The following SASH1 variants were observed in gnomAD, a reference collection of about 807,000 sequenced individuals.
SASH1 encodes the protein SAM and SH3 domain containing 1, also known as SAM and SH3 domain-containing protein 1.
SASH1 carries 44 observed loss-of-function variants against 125.2 expected under a neutral mutation model. The observed-to-expected ratio is 0.35, with a 90% CI of 0.28 to 0.45. The LOEUF is 0.45. Among genes scored for constraint, SASH1 ranks in the 20% least tolerant of loss-of-function variants. The probability of loss-of-function intolerance (pLI) is 1.00; values close to 1 mark genes in which losing one functional copy is unlikely to be tolerated. For missense variants in SASH1, 1,426 were observed against 1,614.5 expected (o/e 0.88, Z 2.00); for synonymous variants, 639 against 649.1 (o/e 0.98, Z 0.24).
the SASH1 span, among the ~76,000 whole-genome samples, chr6:148,197,507 A>T: frequency 2.0e-4 from 31 of 152,298 alleles, no homozygotes; most frequent in South Asian, 6.4e-3. Flanking sequence ...TCCAGGTATC[A>T]GTCCCCATCC....
Position 148,390,168 on chromosome 6 carries a change from A to T in SASH1, c.191A>T (p.Gln64Leu), listed in dbSNP as rs769921263. The change falls in exon 2 of 20, where the codon CAG (glutamine) becomes CTG (leucine). Residue 64 changes from glutamine to leucine, a missense_variant. By Grantham distance (113) the Gln-to-Leu change is moderately radical (BLOSUM62 -2). Around this residue, in one of 3 missense-constraint regions of SASH1, gnomAD observed 567 missense variants for 575.6 expected, o/e 0.99. Transcript: ENST00000367467. The stretch of plus-strand genomic sequence containing the variant: ...CTGGGAAACATCGATGACCTGGCGC[A>T]GCAGTATGCAGATTATTACAACACC... ...GSLGNIDDLA[Q>L]QYADYYNTCF... The T allele has an allele frequency of 2.5e-6, 4 of 1,613,724 alleles. No homozygotes were observed. The highest frequency in any genetic ancestry group is 1.7e-6 in the Non-Finnish European group (2 of 1,179,838).
intron 1 of SASH1, among the ~76,000 whole-genome samples, chr6:148,323,102 C>T (rs539140574): frequency 7.9e-5 from 12 of 151,960 alleles, no homozygotes; most frequent in East Asian, 3.9e-4. Context: ...CTCTGCCTCC[C>T]GGGTTTAAGT....
chr6:148,513,800 A>G, intron 8 of SASH1: 1 of 986,236 alleles, frequency 1.0e-6, no homozygotes, highest in Non-Finnish European at 1.2e-6. Context: ...GTCTTAGCCA[A>G]TGGGATGGAA....
chr6:148,369,465 C>A (rs1265057455), intron 1 of SASH1, among the ~76,000 whole-genome samples: 1 of 152,084 alleles, frequency 6.6e-6, no homozygotes, highest in African/African-American at 2.4e-5. Context: ...TAAGAGTAAT[C>A]GTTATGGAGT....
chr6:148,412,929 C>G (rs1331263957), intron 2 of SASH1, among the ~76,000 whole-genome samples: 1 of 152,128 alleles, frequency 6.6e-6, no homozygotes, highest in Non-Finnish European at 1.5e-5. Context: ...CAGAATATTG[C>G]TGAAGTTTTA....
chr6:148,360,465 A>G (rs1782146253), intron 1 of SASH1, among the ~76,000 whole-genome samples: 1 of 150,460 alleles, frequency 6.6e-6, no homozygotes, highest in Admixed American at 6.7e-5. Context: ...CTCTCGCCTC[A>G]GTCTCCTGAA....
chr6:148,325,200 C>T (rs187722148), intron 1 of SASH1, among the ~76,000 whole-genome samples: 29 of 152,160 alleles, frequency 1.9e-4, no homozygotes, highest in African/African-American at 5.1e-4. Context: ...GAAGGAAACA[C>T]GTCGTTGTTC....
the SASH1 span, among the ~76,000 whole-genome samples, chr6:148,216,726 TTTTTTC>T: frequency 2.6e-5 from 4 of 152,046 alleles, no homozygotes; most frequent in African/African-American, 9.7e-5. Context: ...ACCTCATCTC[TTTTTTC>T]TTTTTCTTTT....
At position 148,551,734 on chromosome 6, in the gene SASH1, T is replaced by A. The variant is rs1243645065; in HGVS notation, c.*3176T>A. ...TAAAATTGATAGAGAAAAGAAACTG[T>A]CGAGCAAGTTATATAACAACTAACA... On this transcript the variant is annotated 3_prime_UTR_variant, in exon 20 of 20. Transcript: ENST00000367467. 6 of 152,656 alleles carry A rather than the reference T, an allele frequency of 3.9e-5. No homozygotes were observed. The highest frequency in any genetic ancestry group is 1.3e-4 in the Admixed American group (2 of 15,278). 9.5% of individuals were successfully genotyped at this position (152,656 alleles called of 1,614,324 possible). A position where few individuals can be genotyped will look rare whatever the true frequency, so the allele number is the denominator to read the frequency against.
intron 1 of SASH1, among the ~76,000 whole-genome samples, chr6:148,310,641 G>C (rs762129408): frequency 1.1e-4 from 17 of 152,032 alleles, no homozygotes; most frequent in Non-Finnish European, 2.1e-4. Flanking sequence ...TTTGATAAAG[G>C]ACTTGTATCC....
In SASH1 at chr6:148,387,620, CTTTCTTTCTTTCTT is replaced by C. The variant is rs1562371213; in HGVS notation, c.157-2512_157-2499del. ...TCTTTCTTTCTTTCTTTCTTTCTTTCTTTCTTTCTTTCTTTCTTTCTTTCTTTCTTTCTTTCTTT... is the reference window on the plus strand; with the variant it reads ...TCTTTCTTTCTTTCTTTCTTTCTTTCTCTTTCTTTCTTTCTTTCTTTCTTT... On this transcript the variant is annotated intron_variant, in intron 1 of 19. Coordinates refer to ENST00000367467, the MANE Select transcript of SASH1 (RefSeq NM_015278.5). Among the ~76,000 whole-genome samples, 36 of 24,738 alleles carry C rather than the reference CTTTCTTTCTTTCTT, an allele frequency of 1.5e-3. 4 individuals are homozygous for C. The Middle Eastern group carries it at 0.079, about 54-fold the overall frequency. 16.2% of individuals were successfully genotyped at this position (24,738 alleles called of 152,430 possible).
the SASH1 span, among the ~76,000 whole-genome samples, chr6:148,253,811 G>T: frequency 1.3e-5 from 2 of 152,144 alleles, no homozygotes; most frequent in Non-Finnish European, 2.9e-5. Context: ...GGCAGAGGAT[G>T]CAGGGAACTG....
intron 1 of SASH1, among the ~76,000 whole-genome samples, chr6:148,327,951 AAAAAAGAAAAAG>A (rs1253526004): frequency 1.2e-4 from 18 of 148,306 alleles, no homozygotes; most frequent in African/African-American, 4.1e-4. Context: ...AAAAAAAAAA[AAAAAAGAAAAAG>A]AAAAAGAAAA....
intron 8 of SASH1, among the ~76,000 whole-genome samples, chr6:148,500,635 C>T (rs1779524149): frequency 6.6e-6 from 1 of 152,184 alleles, no homozygotes; most frequent in Non-Finnish European, 1.5e-5. Context: ...TTCCTGCCAG[C>T]CTGGCTTTTG....
intron 1 of SASH1, among the ~76,000 whole-genome samples, chr6:148,381,838 G>A (rs1453801790): frequency 6.6e-6 from 1 of 151,536 alleles, no homozygotes; most frequent in Non-Finnish European, 1.5e-5. Flanking sequence ...CACCATTTTG[G>A]TTGGCCAGGC....
chr6:148,257,655 G>A, the SASH1 span, among the ~76,000 whole-genome samples: 2 of 138,458 alleles, frequency 1.4e-5, no homozygotes, highest in Non-Finnish European at 3.0e-5. Flanking sequence ...TTTTTGAGAC[G>A]GAGTCTCACT....
chr6:148,488,786 A>G (rs1350191251), intron 8 of SASH1, among the ~76,000 whole-genome samples: 5 of 152,184 alleles, frequency 3.3e-5, no homozygotes, highest in African/African-American at 1.2e-4. Context: ...CTTTGTAGAA[A>G]TGTCTGAGTC....
At chr6:148,316,471 G>C (rs1236682844) in intron 1 of SASH1, among the ~76,000 whole-genome samples, 1 of 152,230 alleles carries the variant, frequency 6.6e-6, no homozygotes, top group African/African-American at 2.4e-5. Context: ...ACAGAGCATA[G>C]ATATATGTCA....
chr6:148,417,904 T>TTGA (rs1784893502), intron 2 of SASH1, among the ~76,000 whole-genome samples: 1 of 152,076 alleles, frequency 6.6e-6, no homozygotes, highest in Non-Finnish European at 1.5e-5. Context: ...GATGATAACT[T>TTGA]TGATGATGAT....
Sources: allele counts gnomAD v4.1 joint callset (sites outside exome capture counted in the v4.1 genomes callset), GRCh38; gene constraint gnomAD v4.1.1; regional missense constraint gnomAD v4.1.1; transcripts MANE v1.5; gene names NCBI Gene and HGNC (gene_info 2026-07-23, HGNC 2026-07-21).